TSNARE1: variants seen among roughly 807,000 people sequenced by gnomAD.
The protein encoded by TSNARE1 is t-SNARE domain-containing protein 1.
TSNARE1 carries 49 observed loss-of-function variants against 62.0 expected under a neutral mutation model. The observed-to-expected ratio is 0.79, with a 90% CI of 0.63 to 1.00. The LOEUF (loss-of-function observed/expected upper bound fraction) is 1.00. TSNARE1 is among the 50% of genes least tolerant of loss of function. The pLI is 0.00. For missense variants in TSNARE1, 755 were observed against 700.1 expected, an observed-to-expected ratio of 1.08 and a Z score of -0.88; for synonymous variants, 328 against 294.4, an observed-to-expected ratio of 1.11 and a Z score of -1.17.
intron 5 of TSNARE1, 59 bp downstream of exon 5, chr8:142,331,695 G>C: frequency 6.7e-7 from 1 of 1,495,080 alleles, no homozygotes. Context: ...CTCCAATGTC[G>C]CATCAGTGGT....
rs1563756085 is a variant in TSNARE1 at position 142,222,815 on chromosome 8, C to CTCACTCAT, written c.*11+6657_*11+6658insATGAGTGA. 5.8e-3 allele frequency among the ~76,000 whole-genome samples: 155 copies of CTCACTCAT among 26,536 alleles called. 11 individuals are homozygous for CTCACTCAT. The highest frequency in any genetic ancestry group is 0.029 in the African/African-American group (122 of 4,168). 17.4% of individuals were successfully genotyped at this position (26,536 alleles called of 152,430 possible). The stretch of plus-strand genomic sequence containing the variant: ...ACTCATCCACTCACTCACTCATTCA[C>CTCACTCAT]TCACTCACTCACTCATTCACTCACT... On this transcript the variant is annotated intron_variant, in intron 13 of 13. Coordinates refer to ENST00000524325, the MANE Select transcript of TSNARE1 (RefSeq NM_145003.5).
upstream of TSNARE1, chr8:142,405,627 C>G (rs1279517198): frequency 6.6e-6 from 1 of 152,250 alleles, no homozygotes; most frequent in Middle Eastern, 3.1e-3. Context: ...GCATGGACTT[C>G]TCAGGGTTTA....
chr8:142,404,263 G>C (rs896417762), upstream of TSNARE1: 1 of 152,364 alleles, frequency 6.6e-6, no homozygotes, highest in South Asian at 2.1e-4. Context: ...GCATGTGTGC[G>C]CACACGGGTT....
chr8:142,330,665 G>A (rs1830885298), intron 6 of TSNARE1, among the ~76,000 whole-genome samples: 1 of 152,234 alleles, frequency 6.6e-6, no homozygotes, highest in Admixed American at 6.5e-5. Flanking sequence ...GGGGCGGGGT[G>A]CACCTGTGTG....
chr8:142,228,627 C>T (rs1403570071), intron 13 of TSNARE1, among the ~76,000 whole-genome samples: 1 of 152,254 alleles, frequency 6.6e-6, no homozygotes, highest in African/African-American at 2.4e-5. Flanking sequence ...AAAAGAGAGG[C>T]TTCAGGGTGG....
At chr8:142,326,134 A>G (rs1830203152) in intron 6 of TSNARE1, 1 of 174,768 alleles carries the variant, frequency 5.7e-6, no homozygotes, top group Admixed American at 6.8e-5. Context: ...AGACCACGAG[A>G]CAGATGAGGA....
At chr8:142,223,873 A>G (rs914243829) in intron 13 of TSNARE1, among the ~76,000 whole-genome samples, 1 of 152,196 alleles carries the variant, frequency 6.6e-6, no homozygotes, top group South Asian at 2.1e-4. Context: ...CGCTTCTACA[A>G]GGTCCCACCA....
intron 4 of TSNARE1, among the ~76,000 whole-genome samples, chr8:142,335,910 C>G (rs919764950): frequency 6.6e-6 from 1 of 152,206 alleles, no homozygotes; most frequent in Middle Eastern, 3.2e-3. Context: ...GGCCTTTCAT[C>G]ATTACCAAAA....
intron 1 of TSNARE1, among the ~76,000 whole-genome samples, chr8:142,392,302 G>A (rs1463124082): frequency 6.6e-6 from 1 of 152,148 alleles, no homozygotes; most frequent in East Asian, 1.9e-4. Context: ...GATTACAGGC[G>A]TGAGCCACCA....
chr8:142,278,093 C>T, intron 11 of TSNARE1: 1 of 985,416 alleles, frequency 1.0e-6, no homozygotes, highest in Non-Finnish European at 1.2e-6. Context: ...CCTCCAGCCC[C>T]ACCCCATCAG....
intron 1 of TSNARE1, among the ~76,000 whole-genome samples, chr8:142,364,367 G>C (rs1048950416): frequency 6.6e-6 from 1 of 152,202 alleles, no homozygotes; most frequent in Non-Finnish European, 1.5e-5. Flanking sequence ...AAGATGCACA[G>C]AGAAATACAG....
At chr8:142,258,246 A>C (rs1191924630) in intron 12 of TSNARE1, among the ~76,000 whole-genome samples, 1 of 152,098 alleles carries the variant, frequency 6.6e-6, no homozygotes, top group Non-Finnish European at 1.5e-5. Flanking sequence ...ACACTGGTAC[A>C]TGAAGGCACG....
intron 1 of TSNARE1, among the ~76,000 whole-genome samples, chr8:142,362,559 G>T (rs62511365): frequency 0.015 from 2,359 of 152,212 alleles, 33 homozygotes; most frequent in Non-Finnish European, 0.024. Flanking sequence ...AGGGGCCTCC[G>T]GTGGAAGAGC....
chr8:142,212,496 G>A (rs1325683766), intron 13 of TSNARE1, among the ~76,000 whole-genome samples, 183 bp from the exon 14 acceptor site: 1 of 151,864 alleles, frequency 6.6e-6, no homozygotes, highest in African/African-American at 2.4e-5. Context: ...AGACTCTCCT[G>A]GCCCTGGTCA....
intron 4 of TSNARE1, among the ~76,000 whole-genome samples, chr8:142,336,529 C>T (rs964464852): frequency 6.6e-6 from 1 of 152,076 alleles, no homozygotes; most frequent in African/African-American, 2.4e-5. Flanking sequence ...TAAAACAATT[C>T]TAAGTATGTA....
intron 3 of TSNARE1, among the ~76,000 whole-genome samples, chr8:142,345,301 G>T (rs777611355): frequency 6.6e-6 from 1 of 152,206 alleles, no homozygotes; most frequent in African/African-American, 2.4e-5. Context: ...TGTCCCAGAA[G>T]GACCTGGAAG....
intron 4 of TSNARE1, among the ~76,000 whole-genome samples, chr8:142,338,173 A>G (rs1832035166): frequency 6.6e-6 from 1 of 152,208 alleles, no homozygotes; most frequent in Admixed American, 6.5e-5. Context: ...GGATAACGGG[A>G]CACCCTAAAA....
intron 12 of TSNARE1, among the ~76,000 whole-genome samples, chr8:142,240,745 G>A (rs1410652128): frequency 6.6e-6 from 1 of 152,038 alleles, no homozygotes; most frequent in African/African-American, 2.4e-5. Context: ...CTTAAGTAAT[G>A]GGTCAAAGAA....
rs755906421 is a variant in TSNARE1 at position 142,300,475 on chromosome 8, G to A, written c.1290+11C>T. The A allele has an allele frequency of 6.1e-5, 98 of 1,596,410 alleles. No homozygotes were observed. The highest frequency in any genetic ancestry group is 8.0e-5 in the African/African-American group (6 of 74,824). On this transcript the variant is annotated intron_variant, in intron 10 of 13. Coordinates refer to ENST00000524325, the MANE Select transcript of TSNARE1 (RefSeq NM_145003.5). ...GTGGAGAGTGAGCACGCTTGCCCAC[G>A]CCAGCCTCACCTCCATCTGCAGGAT...
Sources: gnomAD v4.1 joint callset for allele counts (sites outside exome capture counted in the v4.1 genomes callset) on GRCh38, gnomAD v4.1.1 for gene constraint, MANE v1.5 for transcripts, NCBI Gene and HGNC (gene_info 2026-07-23, HGNC 2026-07-21) for gene names.